Variants in PDE4D observed in about 807,000 individuals in gnomAD.
PDE4D encodes the protein 3',5'-cyclic-AMP phosphodiesterase 4D.
Under a neutral mutation model 87.4 loss-of-function variants are expected in PDE4D, and 24 were observed. That is an observed-to-expected ratio of 0.27 (90% confidence interval 0.20 to 0.39). The LOEUF (loss-of-function observed/expected upper bound fraction) is 0.39. PDE4D is among the 10% of genes least tolerant of loss of function. The pLI, the probability that PDE4D is intolerant of heterozygous loss-of-function variation, is 1.00. For synonymous variants in PDE4D, 384 were observed against 383.2 expected, an observed-to-expected ratio of 1.00 and a Z score of -0.02; for missense variants, 714 against 1,041.0, an observed-to-expected ratio of 0.69 and a Z score of 4.32.
chr5:60,398,204 AG>A (rs1396746292), intron 1 of PDE4D, among the ~76,000 whole-genome samples: 7 of 152,208 alleles, frequency 4.6e-5, no homozygotes, highest in Admixed American at 4.6e-4. Flanking sequence ...TGCAAATGAT[AG>A]TGGTACCTCA....
intron 2 of PDE4D, among the ~76,000 whole-genome samples, chr5:59,205,788 C>T (rs1254853746): frequency 2.0e-5 from 3 of 151,676 alleles, no homozygotes; most frequent in Admixed American, 1.3e-4. Context: ...AATTTTGAAA[C>T]ATGGAAATAT....
chr5:59,039,033 T>C, intron 5 of PDE4D, 62 bp from the exon 6 acceptor site: 1 of 1,531,710 alleles, frequency 6.5e-7, no homozygotes, highest in Non-Finnish European at 8.8e-7. Flanking sequence ...CGCTAGCGAG[T>C]TCAAAGGGGG....
At chr5:59,280,878 AT>A (rs1765680704) in intron 1 of PDE4D, among the ~76,000 whole-genome samples, 1 of 142,540 alleles carries the variant, frequency 7.0e-6, no homozygotes, top group Non-Finnish European at 1.6e-5. Flanking sequence ...GGGTATCTCT[AT>A]TTTTCTAGAG....
intron 2 of PDE4D, among the ~76,000 whole-genome samples, chr5:60,148,403 T>C (rs1008882724): frequency 6.6e-6 from 1 of 152,170 alleles, no homozygotes; most frequent in South Asian, 2.1e-4. Context: ...ATTTACATAT[T>C]ATTAGTTATT....
At chr5:59,438,379 T>C (rs938797577) in intron 1 of PDE4D, among the ~76,000 whole-genome samples, 1 of 152,220 alleles carries the variant, frequency 6.6e-6, no homozygotes, top group Non-Finnish European at 1.5e-5. Context: ...ATGACTTGTC[T>C]TTAAATTCAC....
chr5:60,460,476 G>A (rs1354601090), intron 1 of PDE4D: 13 of 1,528,594 alleles, frequency 8.5e-6, no homozygotes, highest in South Asian at 2.3e-5. Flanking sequence ...GGATTTTGGC[G>A]ATCAATTCTG....
intron 1 of PDE4D, among the ~76,000 whole-genome samples, chr5:60,256,278 C>A (rs1464061525): frequency 1.3e-5 from 2 of 151,850 alleles, no homozygotes; most frequent in Non-Finnish European, 2.9e-5. Context: ...CCATCAGTAC[C>A]ACTACTTTAT....
intron 1 of PDE4D, chr5:59,592,244 TCA>T: frequency 1.6e-6 from 1 of 637,868 alleles, no homozygotes; most frequent in Non-Finnish European, 2.0e-6. Flanking sequence ...ATGTTGATAG[TCA>T]TGACTTTCCA....
chr5:60,208,485 C>G (rs1236440301), intron 1 of PDE4D, among the ~76,000 whole-genome samples: 1 of 152,110 alleles, frequency 6.6e-6, no homozygotes, highest in East Asian at 1.9e-4. Flanking sequence ...TACAGCAAAT[C>G]TATGGGTGCA....
intron 7 of PDE4D, among the ~76,000 whole-genome samples, chr5:58,993,093 AAT>A (rs888848473): frequency 5.3e-5 from 8 of 152,182 alleles, no homozygotes; most frequent in African/African-American, 1.9e-4. Context: ...CTCTCTATAA[AAT>A]ATATTTTACA....
intron 1 of PDE4D, among the ~76,000 whole-genome samples, chr5:59,384,008 C>T (rs1231261979): frequency 6.6e-6 from 1 of 152,146 alleles, no homozygotes; most frequent in Non-Finnish European, 1.5e-5. Context: ...CCTGCCTCAG[C>T]TTTCCAAGTA....
At chr5:59,101,865 A>G (rs773312472) in intron 5 of PDE4D, among the ~76,000 whole-genome samples, 10 of 152,126 alleles carry the variant, frequency 6.6e-5, no homozygotes, top group Non-Finnish European at 1.3e-4. Context: ...CAGCCATAGG[A>G]CACAGTACCA....
intron 1 of PDE4D, among the ~76,000 whole-genome samples, chr5:59,554,521 T>C (rs887565972): frequency 1.3e-5 from 2 of 152,290 alleles, no homozygotes; most frequent in East Asian, 3.9e-4. Context: ...CCAAGAAAGA[T>C]GGCTAAATTT....
chr5:59,380,631 TAAA>T (rs1382185339), intron 1 of PDE4D, among the ~76,000 whole-genome samples: 1 of 152,154 alleles, frequency 6.6e-6, no homozygotes, highest in Non-Finnish European at 1.5e-5. Flanking sequence ...GTCCTTGACT[TAAA>T]AATGTCCTTT....
intron 1 of PDE4D, among the ~76,000 whole-genome samples, chr5:59,755,122 T>G (rs1346740224): frequency 6.6e-6 from 1 of 152,186 alleles, no homozygotes; most frequent in African/African-American, 2.4e-5. Flanking sequence ...AGGAGAAGCT[T>G]ATTTCCTTTC....
At chr5:60,400,358 T>C (rs1740951565) in intron 1 of PDE4D, among the ~76,000 whole-genome samples, 2 of 151,040 alleles carry the variant, frequency 1.3e-5, no homozygotes. Flanking sequence ...CTGTCTCTAC[T>C]AAAAATACAA....
intron 2 of PDE4D, among the ~76,000 whole-genome samples, chr5:60,064,003 T>A (rs1219474062): frequency 6.6e-6 from 1 of 152,094 alleles, no homozygotes; most frequent in African/African-American, 2.4e-5. Context: ...TATGCATCTT[T>A]TGAACACAAA....
At chr5:59,727,903 G>A (rs1400705212) in intron 1 of PDE4D, among the ~76,000 whole-genome samples, 1 of 152,080 alleles carries the variant, frequency 6.6e-6, no homozygotes, top group Non-Finnish European at 1.5e-5. Flanking sequence ...AGAGAAATAA[G>A]AAGGAACAGC....
chr5:60,409,709 T>G (rs1741880787), intron 1 of PDE4D, among the ~76,000 whole-genome samples: 1 of 152,218 alleles, frequency 6.6e-6, no homozygotes, highest in South Asian at 2.1e-4. Context: ...AACAGGCCAT[T>G]TGCCAAGTCT....
Sources: gnomAD v4.1 joint callset for allele counts (sites outside exome capture counted in the v4.1 genomes callset) on GRCh38, gnomAD v4.1.1 for gene constraint, MANE v1.5 for transcripts, NCBI Gene and HGNC (gene_info 2026-07-23, HGNC 2026-07-21) for gene names.